Variants in GYS1 observed in about 807,000 individuals in gnomAD.
The protein encoded by GYS1 is glycogen synthase 1.
GYS1 carries 60 observed loss-of-function variants against 89.1 expected under a neutral mutation model. The observed-to-expected ratio is 0.67, with a 90% CI of 0.55 to 0.84. The LOEUF (loss-of-function observed/expected upper bound fraction) is 0.84, where lower values mean the gene tolerates loss of function less well. Ranked by LOEUF, GYS1 falls within the 40% of genes least tolerant of loss-of-function variation. The pLI, the probability that GYS1 is intolerant of heterozygous loss-of-function variation, is 0.00. For missense variants in GYS1, 888 were observed against 1,003.1 expected, an observed-to-expected ratio of 0.89 and a Z score of 1.55; for synonymous variants, 366 against 401.7, an observed-to-expected ratio of 0.91 and a Z score of 1.06.
Position 48,992,877 on chromosome 19 carries a change from C to G in GYS1, c.118+118G>C, listed in dbSNP as rs2038960548. 2.7e-5 allele frequency: 20 copies of G among 736,148 alleles called. 1 individual carries two copies. Among genetic ancestry groups the G allele is most frequent in the Non-Finnish European group, 2.5e-6 (1 of 403,362 alleles). The allele number at this position is 736,148 out of a possible 1,614,324, so 45.6% of individuals were successfully genotyped here. ...CCCAGCCCCTCCTCAAGGACACAGC[C>G]TCCTTGCCCAGGTCACAAGGGTTCC... On this transcript the variant is annotated intron_variant, in intron 1 of 15. Coordinates refer to ENST00000323798, the MANE Select transcript of GYS1 (RefSeq NM_002103.5).
rs989197210 is a variant in GYS1 at position 48,970,161 on chromosome 19, T to C, written c.1810-306A>G. The C allele has an allele frequency of 2.5e-5, 12 of 486,672 alleles. No homozygotes were observed. The East Asian group carries it at 4.7e-4, about 19-fold the overall frequency. The allele number at this position is 486,672 out of a possible 1,614,324, so 30.1% of individuals were successfully genotyped here. A position where few individuals can be genotyped will look rare whatever the true frequency, so the allele number is the denominator to read the frequency against. ...CTTTTTAAACACGGTCTTGTTCTGTTACTCTAGGATGGAGTGCAGTGGGTT... is the reference window on the plus strand; with the variant it reads ...CTTTTTAAACACGGTCTTGTTCTGTCACTCTAGGATGGAGTGCAGTGGGTT... On this transcript the variant is annotated intron_variant, in intron 14 of 15. Coordinates refer to ENST00000323798, the MANE Select transcript of GYS1 (RefSeq NM_002103.5).
chr19:48,974,256 A>C lies in GYS1; in HGVS notation c.1506T>G (p.Leu502=). 6.2e-7 allele frequency: 1 copy of C among 1,613,328 alleles called. No homozygotes were observed. The highest frequency in any genetic ancestry group is 1.1e-5 in the South Asian group (1 of 90,824). ...GCTCATAGTAGGAGGGGAAGACTCC[A>C]AGGTGACAGCCACGGACAAACTCCT... ...DYEEFVRGCH[L]GVFPSYYEPW... is the part of the protein sequence containing the mutation. Residue 502 remains leucine (L), a synonymous_variant, in exon 12 of 16, where the codon CTT becomes CTG. Coordinates refer to ENST00000323798, the MANE Select transcript of GYS1 (RefSeq NM_002103.5).
chr19:48,992,507 C>T (rs2038952307), intron 1 of GYS1, among the ~76,000 whole-genome samples: 1 of 27,396 alleles, frequency 3.7e-5, no homozygotes, highest in Non-Finnish European at 6.5e-5. Context: ...TCCAGCCCGT[C>T]CCATCTTTAT....
Position 48,978,131 on chromosome 19 carries a change from T to G in GYS1, c.1196A>C (p.Lys399Thr), listed in dbSNP as rs781588172. 1 of 1,613,928 alleles carries G rather than the reference T, an allele frequency of 6.2e-7. No individual in the cohort carries two copies. Among genetic ancestry groups the G allele is most frequent in the Admixed American group, 1.7e-5 (1 of 60,016 alleles). Residue 399 changes from lysine to threonine, a missense_variant, in exon 9 of 16, where the codon AAG (lysine) becomes ACG (threonine). Coordinates refer to ENST00000323798, the MANE Select transcript of GYS1 (RefSeq NM_002103.5). ...GGATTCATAAAGCTTCCTCCCGAAC[T>G]TTTCCTTCACCGTGTTGGCCGTGTC... ...LWDTANTVKEKFGRKLYESLL... is the reference protein window; with the variant it reads ...LWDTANTVKETFGRKLYESLL...
intron 3 of GYS1, 40 bp from the exon 4 acceptor site, chr19:48,986,075 T>C (rs2038839632): frequency 1.3e-6 from 2 of 1,597,186 alleles, no homozygotes; most frequent in East Asian, 2.2e-5. Context: ...TCCACGAGTG[T>C]TGGGAAAAGA....
intron 3 of GYS1, 96 bp downstream of exon 3, chr19:48,987,098 C>T (rs1205573987): frequency 2.3e-6 from 2 of 878,982 alleles, no homozygotes; most frequent in Non-Finnish European, 3.8e-6. Flanking sequence ...GACCCTATGA[C>T]TCCCAGAATG....
chr19:48,985,849 C>T lies in GYS1; in HGVS notation c.678+1G>A, dbSNP rs755305465. ...CCCCATCTGCCACGGTCCCAGCTCA[C>T]GTTCTCCAGGTTGTTGTAGAAGTCC... On this transcript the variant is annotated splice_donor_variant, in intron 4 of 15. Transcript: ENST00000323798. LOFTEE classifies it high-confidence loss of function. 1.5e-5 allele frequency: 25 copies of T among 1,612,948 alleles called. No homozygotes were observed. Among genetic ancestry groups the T allele is most frequent in the African/African-American group, 9.3e-5 (7 of 74,884 alleles).
In GYS1 at chr19:48,993,096, G is replaced by C. The variant is rs1325337408; in HGVS notation, c.17C>G (p.Thr6Ser). 3 of 1,609,246 alleles carry C rather than the reference G, an allele frequency of 1.9e-6. No homozygotes were observed. The highest frequency in any genetic ancestry group is 2.6e-6 in the Non-Finnish European group (3 of 1,175,640). ...TCCTGGCAGTGAGGACATGGACAAA[G>C]TGCGGTTTAAAGGCATGGCTGGCGC... MPLNR[T>S]LSMSSLPGLE... The change falls in exon 1 of 16, where the codon ACT (threonine) becomes AGT (serine). Residue 6 changes from threonine to serine, a missense_variant. Thr to Ser is a moderately conservative substitution (Grantham distance 58). Coordinates refer to ENST00000323798, the MANE Select transcript of GYS1 (RefSeq NM_002103.5).
rs373461755 is a variant in GYS1, at chr19:48,984,100, G to A, written c.824-1263C>T. Among the ~76,000 whole-genome samples the A allele has an allele frequency of 1.1e-4, 16 of 152,288 alleles. No individual in the cohort carries two copies. In the East Asian group the frequency reaches 3.1e-3, roughly 29 times the overall value. ...GACAACCTCTGCCTCCTGGGTTCAA[G>A]AGATTCTCCTGCCTCAGCCTCCCGA... On this transcript the variant is annotated intron_variant, in intron 5 of 15. Coordinates refer to ENST00000323798, the MANE Select transcript of GYS1 (RefSeq NM_002103.5).
chr19:48,991,160 G>A lies in GYS1; in HGVS notation c.300+142C>T. On this transcript the variant is annotated intron_variant, in intron 2 of 15. Coordinates refer to ENST00000323798, the MANE Select transcript of GYS1 (RefSeq NM_002103.5). This position sits in a 1 kb window ranked among gnomAD's most constrained non-coding sequence, Gnocchi z 4.7. ...TTCCAGGCCCTGCATCTGTCTGGGT[G>A]TCCTATCACGCCTCCTTCCTGTGTC... 2 of 842,726 alleles carry A rather than the reference G, an allele frequency of 2.4e-6. No homozygotes were observed. The highest frequency in any genetic ancestry group is 3.3e-5 in the African/African-American group (2 of 60,590). 52.2% of individuals were successfully genotyped at this position (842,726 alleles called of 1,614,324 possible).
chr19:48,968,195 C>T lies in GYS1; in HGVS notation c.*1093G>A, dbSNP rs1427751914. 8 of 454,020 alleles carry T rather than the reference C, an allele frequency of 1.8e-5. No individual in the cohort carries two copies. The Admixed American group carries it at 1.9e-4, about 11-fold the overall frequency. The allele number at this position is 454,020 out of a possible 1,614,324, so 28.1% of individuals were successfully genotyped here. A position where few individuals can be genotyped will look rare whatever the true frequency, so the allele number is the denominator to read the frequency against. On this transcript the variant is annotated 3_prime_UTR_variant, in exon 16 of 16. Coordinates refer to ENST00000323798, the MANE Select transcript of GYS1 (RefSeq NM_002103.5). ...CACACTCCAATCACACCCCTCCTGC[C>T]CTCCCCTCTCAACTGCAAACCAAGC...
intron 5 of GYS1, among the ~76,000 whole-genome samples, chr19:48,983,924 A>G (rs959735196): frequency 5.5e-4 from 83 of 152,194 alleles, no homozygotes; most frequent in African/African-American, 1.9e-3. Flanking sequence ...GCCTTCTGGG[A>G]GCTGTAGTTC....
chr19:48,975,663 C>T (rs918973149), intron 10 of GYS1, among the ~76,000 whole-genome samples: 25 of 151,878 alleles, frequency 1.6e-4, no homozygotes, highest in Non-Finnish European at 2.6e-4. Context: ...CGTGGTGGCT[C>T]ACGCCTGTAA....
chr19:48,969,642 G>T, intron 15 of GYS1, 31 bp from the exon 16 acceptor site: 1 of 1,562,632 alleles, frequency 6.4e-7, no homozygotes, highest in Non-Finnish European at 8.6e-7. Flanking sequence ...GCAAACCAGG[G>T]TGAGCTGAGG....
Position 48,968,655 on chromosome 19 carries a change from A to C in GYS1, c.*633T>G, listed in dbSNP as rs1469268068. On this transcript the variant is annotated 3_prime_UTR_variant, in exon 16 of 16. Coordinates refer to ENST00000323798, the MANE Select transcript of GYS1 (RefSeq NM_002103.5). ...GTTCTACCACCTCTTGCTTGGCCAA[A>C]GTGTAGGGGATGACAGGAGCCGGAT... is the stretch of plus-strand genomic sequence containing the variant. The C allele has an allele frequency of 2.2e-6, 1 of 454,152 alleles. No homozygotes were observed. Among genetic ancestry groups the C allele is most frequent in the South Asian group, 1.6e-5 (1 of 64,474 alleles). The allele number at this position is 454,152 out of a possible 1,614,324, so 28.1% of individuals were successfully genotyped here. A position where few individuals can be genotyped will look rare whatever the true frequency, so the allele number is the denominator to read the frequency against.
At chr19:48,975,301 T>C (rs1217930332) in intron 10 of GYS1, among the ~76,000 whole-genome samples, 1 of 150,726 alleles carries the variant, frequency 6.6e-6, no homozygotes, top group Non-Finnish European at 1.5e-5. Flanking sequence ...CTCGAACTCA[T>C]GGGCTCAAGC....
intron 10 of GYS1, among the ~76,000 whole-genome samples, chr19:48,975,911 C>CAAA (rs760164673): frequency 0.028 from 1,097 of 38,836 alleles, 34 homozygotes; most frequent in African/African-American, 0.032. Context: ...GACTCCGTCT[C>CAAA]AAAAAAAAAA....
intron 8 of GYS1, among the ~76,000 whole-genome samples, chr19:48,980,332 C>T (rs1270498661): frequency 6.6e-6 from 1 of 152,132 alleles, no homozygotes; most frequent in African/African-American, 2.4e-5. Flanking sequence ...TAAATTCCGT[C>T]TACAGGATTT....
At chr19:48,987,440 C>T (rs2038860136) in intron 2 of GYS1, 55 bp from the exon 3 acceptor site, 7 of 1,361,790 alleles carry the variant, frequency 5.1e-6, no homozygotes, top group Non-Finnish European at 7.0e-6. Flanking sequence ...AGCCTCATAT[C>T]TTCACTCATC....
Sources: gnomAD v4.1 joint callset for allele counts (sites outside exome capture counted in the v4.1 genomes callset) on GRCh38, gnomAD v4.1.1 for gene constraint, Gnocchi (gnomAD v3.1) non-coding constraint, MANE v1.5 for transcripts, NCBI Gene and HGNC (gene_info 2026-07-23, HGNC 2026-07-21) for gene names.